ADAMTS19: variants seen among roughly 807,000 people sequenced by gnomAD.
ADAMTS19 encodes the protein A disintegrin and metalloproteinase with thrombospondin motifs 19.
Under a neutral mutation model 153.3 loss-of-function variants are expected in ADAMTS19, and 93 were observed. The ratio of observed to expected loss-of-function variants is 0.61; its 90% CI spans 0.51 to 0.72. The LOEUF (loss-of-function observed/expected upper bound fraction) is 0.72. ADAMTS19 is among the 30% of genes least tolerant of loss of function. The probability of loss-of-function intolerance (pLI) is 0.00; values close to 1 mark genes in which losing one functional copy is unlikely to be tolerated. For synonymous variants in ADAMTS19, 600 were observed against 556.6 expected, an observed-to-expected ratio of 1.08 and a Z score of -1.10; for missense variants, 1,482 against 1,552.1, an observed-to-expected ratio of 0.95 and a Z score of 0.76.
At chr5:129,589,099 G>C (rs2126902851) in intron 7 of ADAMTS19, among the ~76,000 whole-genome samples, 1 of 151,942 alleles carries the variant, frequency 6.6e-6, no homozygotes, top group East Asian at 1.9e-4. Flanking sequence ...CAATAGTAGA[G>C]TTTAGATTTG....
intron 2 of ADAMTS19, among the ~76,000 whole-genome samples, chr5:129,486,625 C>A (rs1580997478): frequency 6.6e-6 from 1 of 152,012 alleles, no homozygotes; most frequent in Non-Finnish European, 1.5e-5. Context: ...CCATGGTTAA[C>A]ATCATTCTTA....
intron 21 of ADAMTS19, among the ~76,000 whole-genome samples, chr5:129,712,084 A>G (rs1206554064): frequency 6.6e-6 from 1 of 152,168 alleles, no homozygotes; most frequent in African/African-American, 2.4e-5. Context: ...TTCCTGAAAT[A>G]GGTTAGCATT....
chr5:129,646,580 A>G (rs1445323572), intron 11 of ADAMTS19, among the ~76,000 whole-genome samples: 2 of 152,150 alleles, frequency 1.3e-5, no homozygotes, highest in African/African-American at 2.4e-5. Flanking sequence ...CTCTATTATT[A>G]TTACAGTTAG....
intron 7 of ADAMTS19, 50 bp downstream of exon 7, chr5:129,551,957 ATCACT>A: frequency 2.4e-6 from 3 of 1,225,556 alleles, no homozygotes; most frequent in Non-Finnish European, 3.4e-6. Flanking sequence ...ACTTGAACAT[ATCACT>A]TGTTTAAGTA....
chr5:129,543,887 TG>T (rs1752753291), intron 6 of ADAMTS19, among the ~76,000 whole-genome samples: 1 of 152,206 alleles, frequency 6.6e-6, no homozygotes, highest in Admixed American at 6.5e-5. Flanking sequence ...AACTAGAGAA[TG>T]GTAAATGTAT....
At chr5:129,466,774 T>C (rs1296813136) in intron 2 of ADAMTS19, among the ~76,000 whole-genome samples, 1 of 152,214 alleles carries the variant, frequency 6.6e-6, no homozygotes, top group African/African-American at 2.4e-5. Flanking sequence ...AGTTACACTT[T>C]GGATGTGAGG....
intron 7 of ADAMTS19, among the ~76,000 whole-genome samples, chr5:129,570,643 AC>A (rs200306275): frequency 0.59 from 88,847 of 150,860 alleles, 27,643 homozygotes; most frequent in Non-Finnish European, 0.7. Flanking sequence ...AAAAGAAAAA[AC>A]GTATACACCA....
At chr5:129,534,950 C>T (rs1472516477) in intron 6 of ADAMTS19, among the ~76,000 whole-genome samples, 2 of 152,078 alleles carry the variant, frequency 1.3e-5, no homozygotes, top group African/African-American at 2.4e-5. Flanking sequence ...AATCCACAGC[C>T]AATATCATAC....
intron 8 of ADAMTS19, among the ~76,000 whole-genome samples, chr5:129,610,624 AT>A (rs1305971438): frequency 2.6e-5 from 4 of 152,044 alleles, no homozygotes; most frequent in Non-Finnish European, 4.4e-5. Context: ...TGAACTCATC[AT>A]TTTTTATGGC....
Position 129,461,754 on chromosome 5 carries a change from C to T in ADAMTS19, c.744C>T (p.Gly248=). The T allele has an allele frequency of 1.3e-6, 2 of 1,491,224 alleles. No individual in the cohort carries two copies. Among genetic ancestry groups the T allele is most frequent in the Non-Finnish European group, 1.8e-6 (2 of 1,127,830 alleles). The allele number at this position is 1,491,224 out of a possible 1,614,324, so 92.4% of individuals were successfully genotyped here. A position where few individuals can be genotyped will look rare whatever the true frequency, so the allele number is the denominator to read the frequency against. The change falls in exon 2 of 23, where the codon GGC becomes GGT. Residue 248 remains glycine, a synonymous_variant. Transcript: ENST00000274487. The surrounding 1 kb of genome is among the most constrained non-coding windows in gnomAD (Gnocchi z 4.6). ...SLASFSTCGG[G]LMGFIQLNED... ...CTTCTTTCAGCACCTGTGGAGGTGG[C>T]CTGGTAAGCGCCTTCTTTCCCTAGC...
intron 2 of ADAMTS19, among the ~76,000 whole-genome samples, chr5:129,485,595 C>G (rs1483622986): frequency 6.6e-6 from 1 of 151,894 alleles, no homozygotes; most frequent in East Asian, 1.9e-4. Flanking sequence ...AGAGAAAATA[C>G]AAACTATTAA....
intron 19 of ADAMTS19, among the ~76,000 whole-genome samples, chr5:129,698,288 G>C (rs993957884): frequency 6.6e-6 from 1 of 152,170 alleles, no homozygotes; most frequent in Non-Finnish European, 1.5e-5. Flanking sequence ...CAATTATTAA[G>C]GGTCATCACA....
chr5:129,623,382 A>T (rs911154590), intron 10 of ADAMTS19, among the ~76,000 whole-genome samples: 2 of 151,992 alleles, frequency 1.3e-5, no homozygotes, highest in African/African-American at 4.8e-5. Flanking sequence ...TAACACACAC[A>T]CATACACATT....
At chr5:129,543,803 T>C (rs1581064270) in intron 6 of ADAMTS19, among the ~76,000 whole-genome samples, 1 of 152,172 alleles carries the variant, frequency 6.6e-6, no homozygotes, top group Non-Finnish European at 1.5e-5. Context: ...ACAGGAATAA[T>C]ACATCTTCCA....
intron 7 of ADAMTS19, among the ~76,000 whole-genome samples, chr5:129,593,633 C>G (rs181405306): frequency 1.3e-5 from 2 of 152,236 alleles, no homozygotes; most frequent in African/African-American, 4.8e-5. Context: ...GTTATGCCTT[C>G]TTTCACTTTC....
At chr5:129,510,338 T>C (rs1751397762) in intron 3 of ADAMTS19, among the ~76,000 whole-genome samples, 1 of 151,822 alleles carries the variant, frequency 6.6e-6, no homozygotes. Flanking sequence ...TATATTTTTA[T>C]CTCAAATTAA....
chr5:129,469,336 G>A (rs2126647337), intron 2 of ADAMTS19, among the ~76,000 whole-genome samples: 1 of 152,120 alleles, frequency 6.6e-6, no homozygotes, highest in Non-Finnish European at 1.5e-5. Context: ...GCTAGAAAAA[G>A]CAAATTTTCT....
At chr5:129,673,396 C>T (rs1021336029) in intron 16 of ADAMTS19, among the ~76,000 whole-genome samples, 9 of 151,986 alleles carry the variant, frequency 5.9e-5, no homozygotes, top group African/African-American at 1.9e-4. Flanking sequence ...ACCATGATTT[C>T]TACTTTGATT....
chr5:129,690,989 G>A (rs1355745964), intron 18 of ADAMTS19, among the ~76,000 whole-genome samples: 4 of 151,966 alleles, frequency 2.6e-5, no homozygotes, highest in Non-Finnish European at 5.9e-5. Flanking sequence ...CCAAGAATAT[G>A]TTTCAGCATT....
Sources: gnomAD v4.1 joint callset for allele counts (sites outside exome capture counted in the v4.1 genomes callset) on GRCh38, gnomAD v4.1.1 for gene constraint, Gnocchi (gnomAD v3.1) non-coding constraint, MANE v1.5 for transcripts, NCBI Gene and HGNC (gene_info 2026-07-23, HGNC 2026-07-21) for gene names.